The following NCALD variants were observed in gnomAD, a reference collection of about 807,000 sequenced individuals.
NCALD encodes neurocalcin delta.
In NCALD, 10 loss-of-function variants were observed where a neutral mutation model predicts 18.6. That is an observed-to-expected ratio of 0.54 (90% CI 0.33 to 0.91). NCALD has a LOEUF of 0.91. Ranked by LOEUF, NCALD falls within the 40% of genes least tolerant of loss-of-function variation. The pLI is 0.03. For missense variants in NCALD, 184 were observed against 247.6 expected (o/e 0.74, Z 1.72); for synonymous variants, 88 against 87.4 (o/e 1.01, Z -0.04).
chr8:101,838,703 G>A (rs1157925114), intron 4 of NCALD, among the ~76,000 whole-genome samples: 1 of 152,196 alleles, frequency 6.6e-6, no homozygotes, highest in Non-Finnish European at 1.5e-5. Context: ...GTGCTTCACT[G>A]GAAGGTCACT....
At chr8:102,107,839 G>A (rs1209703933) in intron 1 of NCALD, among the ~76,000 whole-genome samples, 1 of 152,198 alleles carries the variant, frequency 6.6e-6, no homozygotes, top group Non-Finnish European at 1.5e-5. Flanking sequence ...TGCATTTAGA[G>A]TTCCAAATAA....
intron 4 of NCALD, among the ~76,000 whole-genome samples, chr8:101,816,896 G>A (rs1213115778): frequency 6.6e-6 from 1 of 152,090 alleles, no homozygotes; most frequent in Non-Finnish European, 1.5e-5. Context: ...TGTGGGGGCA[G>A]GGGTAAATGA....
intron 4 of NCALD, among the ~76,000 whole-genome samples, chr8:101,885,529 C>A (rs1286943778): frequency 6.6e-6 from 1 of 152,212 alleles, no homozygotes; most frequent in Admixed American, 6.5e-5. Context: ...GGCTTCTTCA[C>A]TGCCCCAAGA....
At chr8:101,764,908 A>T (rs1811282981) in intron 1 of NCALD, among the ~76,000 whole-genome samples, 1 of 152,222 alleles carries the variant, frequency 6.6e-6, no homozygotes, top group African/African-American at 2.4e-5. Flanking sequence ...TAACTTGAAC[A>T]CAGGGACTTT....
chr8:101,794,679 T>C (rs1304414601), upstream of NCALD, among the ~76,000 whole-genome samples: 1 of 152,198 alleles, frequency 6.6e-6, no homozygotes, highest in East Asian at 1.9e-4. Flanking sequence ...TTAAATCATT[T>C]ACTATAATAA....
chr8:102,116,859 AG>A (rs1257634546), intron 1 of NCALD, among the ~76,000 whole-genome samples: 1 of 152,176 alleles, frequency 6.6e-6, no homozygotes, highest in Admixed American at 6.6e-5. Context: ...ATTTGGAAAA[AG>A]GGTCTTTGCA....
chr8:101,931,556 A>G (rs899438205), intron 2 of NCALD, among the ~76,000 whole-genome samples: 1 of 152,194 alleles, frequency 6.6e-6, no homozygotes, highest in Non-Finnish European at 1.5e-5. Flanking sequence ...TTTAGAAAGA[A>G]ATATGAACAC....
At chr8:101,881,249 A>T (rs1816483893) in intron 4 of NCALD, among the ~76,000 whole-genome samples, 1 of 152,174 alleles carries the variant, frequency 6.6e-6, no homozygotes, top group Non-Finnish European at 1.5e-5. Flanking sequence ...CATTTTTGCA[A>T]TTTGAAGTCT....
chr8:102,090,658 C>A (rs1358905631), intron 1 of NCALD, among the ~76,000 whole-genome samples: 1 of 152,006 alleles, frequency 6.6e-6, no homozygotes, highest in Non-Finnish European at 1.5e-5. Flanking sequence ...TTCTTTTGAG[C>A]TATTTATAGC....
intron 2 of NCALD, among the ~76,000 whole-genome samples, chr8:102,008,922 A>C (rs1821807859): frequency 8.3e-5 from 3 of 36,320 alleles, no homozygotes; most frequent in Admixed American, 4.5e-4. Flanking sequence ...CCCCCTACAC[A>C]CACACACACA....
intron 1 of NCALD, among the ~76,000 whole-genome samples, chr8:102,108,284 A>C (rs1192283468): frequency 6.6e-6 from 1 of 152,190 alleles, no homozygotes; most frequent in Non-Finnish European, 1.5e-5. Context: ...ATACTCTCAA[A>C]GTTTCTAGGT....
chr8:101,928,542 T>C (rs1028955072), intron 2 of NCALD, among the ~76,000 whole-genome samples: 2 of 152,030 alleles, frequency 1.3e-5, no homozygotes, highest in African/African-American at 4.8e-5. Flanking sequence ...TGCCCTCAGG[T>C]ACTCTGAAGT....
intron 4 of NCALD, among the ~76,000 whole-genome samples, chr8:101,886,921 A>AT (rs149091263): frequency 0.04 from 6,139 of 151,860 alleles, 393 homozygotes; most frequent in African/African-American, 0.14. Flanking sequence ...AGAGAGCAGG[A>AT]TTTTTTTTTA....
At chr8:101,725,009 C>T (rs182911251) in intron 1 of NCALD, among the ~76,000 whole-genome samples, 6 of 152,256 alleles carry the variant, frequency 3.9e-5, no homozygotes, top group Non-Finnish European at 7.4e-5. Flanking sequence ...CTAGGCACTG[C>T]GGAATTCAGC....
intron 1 of NCALD, among the ~76,000 whole-genome samples, chr8:102,095,852 T>C (rs1483193080): frequency 1.3e-5 from 2 of 152,236 alleles, no homozygotes; most frequent in Non-Finnish European, 2.9e-5. Flanking sequence ...AGTTATAACA[T>C]CCTGTTAGAC....
chr8:101,856,637 C>T (rs1815333082), intron 4 of NCALD, among the ~76,000 whole-genome samples: 1 of 152,090 alleles, frequency 6.6e-6, no homozygotes, highest in Admixed American at 6.5e-5. Flanking sequence ...TTATGGTATA[C>T]TTAATGAGCC....
chr8:102,091,779 A>G (rs1453214260), intron 1 of NCALD, among the ~76,000 whole-genome samples: 1 of 152,208 alleles, frequency 6.6e-6, no homozygotes, highest in African/African-American at 2.4e-5. Flanking sequence ...CCCTCACCAT[A>G]CTAATGCTTT....
chr8:101,755,707 C>T (rs534945260), intron 1 of NCALD, among the ~76,000 whole-genome samples: 7 of 152,326 alleles, frequency 4.6e-5, no homozygotes, highest in African/African-American at 1.4e-4. Flanking sequence ...AGCCTCACTG[C>T]TGTTCTTGGC....
At chr8:101,766,221 G>C (rs570932092) in intron 1 of NCALD, among the ~76,000 whole-genome samples, 5 of 152,258 alleles carry the variant, frequency 3.3e-5, no homozygotes, top group African/African-American at 1.2e-4. Context: ...AATGTTAGAA[G>C]CCTGCCCATC....
Sources: gnomAD v4.1 joint callset for allele counts (sites outside exome capture counted in the v4.1 genomes callset) on GRCh38, gnomAD v4.1.1 for gene constraint, MANE v1.5 for transcripts, NCBI Gene and HGNC (gene_info 2026-07-23, HGNC 2026-07-21) for gene names.